The following VOPP1 variants were observed in gnomAD, a reference collection of about 807,000 sequenced individuals.
VOPP1 encodes WW domain binding protein VOPP1.
In VOPP1, 8 loss-of-function variants were observed where a neutral mutation model predicts 23.5. The observed-to-expected ratio is 0.34, with a 90% CI of 0.20 to 0.61. The LOEUF is 0.61. Among genes scored for constraint, VOPP1 ranks in the 20% least tolerant of loss-of-function variants. The probability of loss-of-function intolerance (pLI) is 0.78; values close to 1 mark genes in which losing one functional copy is unlikely to be tolerated. For synonymous variants in VOPP1, 83 were observed against 97.3 expected, an observed-to-expected ratio of 0.85 and a Z score of 0.86; for missense variants, 174 against 238.1, an observed-to-expected ratio of 0.73 and a Z score of 1.77.
At chr7:55,453,097 C>A (rs570911468) in intron 4 of VOPP1, among the ~76,000 whole-genome samples, 3 of 152,338 alleles carry the variant, frequency 2.0e-5, no homozygotes, top group South Asian at 4.1e-4. Flanking sequence ...TTAGCTAGAT[C>A]TTCTGCATTA....
chr7:55,546,085 A>G (rs767226432), intron 1 of VOPP1, among the ~76,000 whole-genome samples: 1 of 152,144 alleles, frequency 6.6e-6, no homozygotes, highest in Non-Finnish European at 1.5e-5. Flanking sequence ...AAAATAAAAT[A>G]AAGAAAAGAA....
chr7:55,473,719 C>G (rs921350905), intron 4 of VOPP1, among the ~76,000 whole-genome samples: 1 of 152,202 alleles, frequency 6.6e-6, no homozygotes, highest in African/African-American at 2.4e-5. Flanking sequence ...TTACTGTGAT[C>G]ATGCAGATTA....
chr7:55,517,384 C>G (rs556566038), intron 2 of VOPP1, among the ~76,000 whole-genome samples: 1 of 152,124 alleles, frequency 6.6e-6, no homozygotes, highest in Non-Finnish European at 1.5e-5. Flanking sequence ...ACAACTGACA[C>G]GTCGTGGGCC....
At chr7:55,475,939 T>C (rs1308434842) in intron 4 of VOPP1, among the ~76,000 whole-genome samples, 3 of 152,142 alleles carry the variant, frequency 2.0e-5, no homozygotes, top group Non-Finnish European at 4.4e-5. Flanking sequence ...ACGCTACCGC[T>C]AGAGCAGCAC....
intron 4 of VOPP1, among the ~76,000 whole-genome samples, chr7:55,449,747 C>G (rs759333189): frequency 6.6e-6 from 1 of 152,070 alleles, no homozygotes; most frequent in Non-Finnish European, 1.5e-5. Flanking sequence ...CCTGGCCTCC[C>G]GAGGGGACAG....
At chr7:55,563,201 C>CA (rs1288007151) in intron 1 of VOPP1, among the ~76,000 whole-genome samples, 2 of 151,480 alleles carry the variant, frequency 1.3e-5, no homozygotes, top group Non-Finnish European at 2.9e-5. Context: ...GATTTTGTTA[C>CA]AAAAAACGAC....
intron 1 of VOPP1, among the ~76,000 whole-genome samples, chr7:55,529,328 G>A (rs1796362989): frequency 7.0e-6 from 1 of 142,756 alleles, no homozygotes; most frequent in Non-Finnish European, 1.5e-5. Context: ...TGGCGCCACT[G>A]CACTCCATCC....
chr7:55,539,495 A>G (rs935390958), intron 1 of VOPP1: 1 of 152,164 alleles, frequency 6.6e-6, no homozygotes, highest in Non-Finnish European at 1.5e-5. Context: ...TCACCCCTTC[A>G]TCCCAAAGAT....
intron 4 of VOPP1, among the ~76,000 whole-genome samples, chr7:55,486,499 A>C (rs1277349132): frequency 6.6e-6 from 1 of 152,136 alleles, no homozygotes; most frequent in African/African-American, 2.4e-5. Context: ...AGAATAACGG[A>C]GACAGAGACA....
chr7:55,524,660 G>A (rs991665626), intron 1 of VOPP1, among the ~76,000 whole-genome samples: 1 of 152,184 alleles, frequency 6.6e-6, no homozygotes, highest in Admixed American at 6.5e-5. Context: ...AATTGTTGTT[G>A]TTGAGGCTTT....
At chr7:55,486,870 A>G (rs965579669) in intron 4 of VOPP1, among the ~76,000 whole-genome samples, 5 of 152,172 alleles carry the variant, frequency 3.3e-5, no homozygotes, top group African/African-American at 1.2e-4. Context: ...CCCACAATGC[A>G]ACAGACCCTT....
At chr7:55,435,522 CT>C (rs1790801410), downstream of VOPP1, among the ~76,000 whole-genome samples, 1 of 152,238 alleles carries the variant, frequency 6.6e-6, no homozygotes, top group Non-Finnish European at 1.5e-5. Context: ...CTCTTCTCTG[CT>C]TCCTGGTACA....
At chr7:55,525,961 G>A (rs1796168643) in intron 1 of VOPP1, among the ~76,000 whole-genome samples, 1 of 152,168 alleles carries the variant, frequency 6.6e-6, no homozygotes, top group African/African-American at 2.4e-5. Flanking sequence ...CAGAAATTAT[G>A]TGTGTGAGGA....
chr7:55,562,636 G>C (rs1049608806), intron 1 of VOPP1, among the ~76,000 whole-genome samples: 1 of 152,184 alleles, frequency 6.6e-6, no homozygotes, highest in Non-Finnish European at 1.5e-5. Flanking sequence ...AAATTGCTAA[G>C]AGGAGAGGCA....
At chr7:55,440,262 T>TCA (rs748857993) in intron 4 of VOPP1, among the ~76,000 whole-genome samples, 27 of 152,272 alleles carry the variant, frequency 1.8e-4, no homozygotes, top group Non-Finnish European at 3.8e-4. Flanking sequence ...CCGGGGTGGC[T>TCA]CATGTCTGTG....
intron 1 of VOPP1, among the ~76,000 whole-genome samples, chr7:55,569,760 G>A (rs1304209558): frequency 6.6e-6 from 1 of 152,164 alleles, no homozygotes; most frequent in African/African-American, 2.4e-5. Context: ...GGGATGGTGA[G>A]GCAGGGGAGG....
intron 1 of VOPP1, among the ~76,000 whole-genome samples, chr7:55,567,454 A>G (rs1798199972): frequency 6.6e-6 from 1 of 152,236 alleles, no homozygotes; most frequent in Admixed American, 6.5e-5. Flanking sequence ...CTTCATCAAG[A>G]GGACATGATA....
intron 4 of VOPP1, among the ~76,000 whole-genome samples, chr7:55,443,016 G>A (rs1031628814): frequency 5.3e-5 from 8 of 152,016 alleles, no homozygotes; most frequent in African/African-American, 1.9e-4. Flanking sequence ...CTACTCAGGA[G>A]GCTGAGGCAG....
chr7:55,519,882 C>G (rs1271068987), intron 2 of VOPP1, among the ~76,000 whole-genome samples: 1 of 152,206 alleles, frequency 6.6e-6, no homozygotes, highest in Non-Finnish European at 1.5e-5. Context: ...AATCCCAGCA[C>G]TTTGGGAGGC....
Sources: gnomAD v4.1 joint callset for allele counts (sites outside exome capture counted in the v4.1 genomes callset) on GRCh38, gnomAD v4.1.1 for gene constraint, MANE v1.5 for transcripts, NCBI Gene and HGNC (gene_info 2026-07-23, HGNC 2026-07-21) for gene names.